MORC2: variants seen among roughly 807,000 people sequenced by gnomAD.
MORC2 encodes the protein MORC family CW-type zinc finger 2.
In MORC2, 30 loss-of-function variants were observed where a neutral mutation model predicts 136.0. The observed-to-expected ratio is 0.22, with a 90% confidence interval of 0.17 to 0.30. The LOEUF (loss-of-function observed/expected upper bound fraction) is 0.30, where lower values mean the gene tolerates loss of function less well. Among genes scored for constraint, MORC2 ranks in the 10% least tolerant of loss-of-function variants. The pLI, the probability that MORC2 is intolerant of heterozygous loss-of-function variation, is 1.00. For synonymous variants in MORC2, 439 were observed against 487.0 expected (o/e 0.90, Z 1.30); for missense variants, 922 against 1,333.1 (o/e 0.69, Z 4.80).
In MORC2 at chr22:30,934,709, T is replaced by C; in HGVS notation, c.2193+72A>G. On this transcript the variant is annotated intron_variant, in intron 19 of 25. Transcript: ENST00000397641. The surrounding 1 kb of genome is among the most constrained non-coding windows in gnomAD (Gnocchi z 4.4). ...CTTCCGAAGGCTCCCCCAGTACAGC[T>C]GTGACACTGCACAATTCCATTCCTA... 1 of 1,560,414 alleles carries C rather than the reference T, an allele frequency of 6.4e-7. No individual in the cohort carries two copies. The highest frequency in any genetic ancestry group is 1.2e-5 in the South Asian group (1 of 83,858).
At chr22:30,945,845 C>T (rs752308991) in intron 6 of MORC2, among the ~76,000 whole-genome samples, 45 of 152,332 alleles carry the variant, frequency 3.0e-4, no homozygotes, top group Non-Finnish European at 5.4e-4. Flanking sequence ...ACCTGCTTTA[C>T]TACCTGCCCA....
At chr22:30,939,745 T>A (rs370544790) in intron 11 of MORC2, 39 bp from the exon 12 acceptor site, 2 of 1,583,176 alleles carry the variant, frequency 1.3e-6, no homozygotes, top group Non-Finnish European at 1.7e-6. Context: ...GGTGGCACTC[T>A]AGGCCACAGC....
intron 4 of MORC2, 29 bp downstream of exon 4, chr22:30,950,348 C>T (rs771577935): frequency 8.6e-6 from 9 of 1,043,128 alleles, no homozygotes; most frequent in South Asian, 1.3e-5. Flanking sequence ...CACCCCCCCA[C>T]CCCCCAAAAC....
At chr22:30,956,083 G>A (rs1446027394) in intron 3 of MORC2, among the ~76,000 whole-genome samples, 1 of 151,588 alleles carries the variant, frequency 6.6e-6, no homozygotes, top group African/African-American at 2.4e-5. Flanking sequence ...TAAAAAAGGT[G>A]CTAGTACAAA....
rs1168725771 is a variant in MORC2 at position 30,934,731 on chromosome 22, C to T, written c.2193+50G>A. The T allele has an allele frequency of 6.3e-7, 1 of 1,593,176 alleles. No homozygotes were observed. Among genetic ancestry groups the T allele is most frequent in the Non-Finnish European group, 8.6e-7 (1 of 1,167,054 alleles). On this transcript the variant is annotated intron_variant, in intron 19 of 25. Coordinates refer to ENST00000397641, the MANE Select transcript of MORC2 (RefSeq NM_001303256.3). This position sits in a 1 kb window ranked among gnomAD's most constrained non-coding sequence, Gnocchi z 4.4. ...AGCTGTGACACTGCACAATTCCATT[C>T]CTACACTACTGACACTGGGCTGGGG... is the stretch of plus-strand genomic sequence containing the variant.
At chr22:30,942,610 A>G (rs1391960846) in intron 6 of MORC2, among the ~76,000 whole-genome samples, 1 of 152,222 alleles carries the variant, frequency 6.6e-6, no homozygotes, top group Non-Finnish European at 1.5e-5. Flanking sequence ...TTATCTAGTG[A>G]ATCAGTAAAT....
In MORC2 at chr22:30,937,758, T is replaced by C. The variant is rs1446394509; in HGVS notation, c.1370-47A>G. The C allele has an allele frequency of 1.2e-6, 2 of 1,613,780 alleles. No homozygotes were observed. Among genetic ancestry groups the C allele is most frequent in the African/African-American group, 1.3e-5 (1 of 74,866 alleles). On this transcript the variant is annotated intron_variant, in intron 14 of 25. Coordinates refer to ENST00000397641, the MANE Select transcript of MORC2 (RefSeq NM_001303256.3). This position sits in a 1 kb window ranked among gnomAD's most constrained non-coding sequence, Gnocchi z 4.7. ...ATCATGTTAGGAGCCAGCCTCTCTCTCTCCCTACATTCAGGTGAAGAGAAA... is the reference window on the plus strand; with the variant it reads ...ATCATGTTAGGAGCCAGCCTCTCTCCCTCCCTACATTCAGGTGAAGAGAAA...
chr22:30,950,781 C>A lies in MORC2; in HGVS notation c.158-336G>T, dbSNP rs150791392. 4.8e-3 allele frequency among the ~76,000 whole-genome samples: 733 copies of A among 152,314 alleles called. 1 individual carries two copies. Among genetic ancestry groups the A allele is most frequent in the Middle Eastern group, 0.017 (5 of 294 alleles). On this transcript the variant is annotated intron_variant, in intron 3 of 25. Transcript: ENST00000397641. The stretch of plus-strand genomic sequence containing the variant: ...CCTTCTGCTCACTCCACCTGGATTA[C>A]TATCACTTCTGCCCTATGCCATAGA...
chr22:30,958,491 A>G (rs1446912781), intron 2 of MORC2, 150 bp downstream of exon 2: 5 of 495,848 alleles, frequency 1.0e-5, no homozygotes, highest in Non-Finnish European at 1.8e-5. Context: ...GCTATTAAAA[A>G]TATTATTTTT....
chr22:30,940,099 C>T, intron 10 of MORC2, 58 bp from the exon 11 acceptor site: 1 of 1,531,768 alleles, frequency 6.5e-7, no homozygotes, highest in Non-Finnish European at 9.0e-7. Flanking sequence ...CTTGGTCATC[C>T]CTCCTGGATC....
intron 5 of MORC2, among the ~76,000 whole-genome samples, chr22:30,948,999 C>A (rs971309757): frequency 6.6e-6 from 1 of 152,172 alleles, no homozygotes. Context: ...CAAACCACCA[C>A]CCTCCCTCAA....
Position 30,968,063 on chromosome 22 carries a change from A to G in MORC2, c.-174T>C, listed in dbSNP as rs2041156259. ...ATATGCAGAGATGTTTAAAACTACA[A>G]TTTCTTCAAGTGTTTTTTTTTAATC... On this transcript the variant is annotated 5_prime_UTR_variant, in exon 1 of 26. Coordinates refer to ENST00000397641, the MANE Select transcript of MORC2 (RefSeq NM_001303256.3). 2.5e-5 allele frequency: 14 copies of G among 554,132 alleles called. No homozygotes were observed. The highest frequency in any genetic ancestry group is 2.0e-4 in the South Asian group (8 of 40,644). 34.3% of individuals were successfully genotyped at this position (554,132 alleles called of 1,614,324 possible). A position where few individuals can be genotyped will look rare whatever the true frequency, so the allele number is the denominator to read the frequency against.
chr22:30,939,595 G>A (rs1245401567), intron 12 of MORC2, 26 bp downstream of exon 12: 2 of 1,609,914 alleles, frequency 1.2e-6, no homozygotes, highest in Non-Finnish European at 8.5e-7. Flanking sequence ...CAGTTTAAAA[G>A]ATCCAAGGAC....
At chr22:30,927,056 A>T (rs1306063010) in intron 25 of MORC2, among the ~76,000 whole-genome samples, 185 bp from the exon 26 acceptor site, 1 of 151,916 alleles carries the variant, frequency 6.6e-6, no homozygotes, top group African/African-American at 2.4e-5. Context: ...TTGTGCACAG[A>T]TGATGCCCAG....
intron 3 of MORC2, among the ~76,000 whole-genome samples, chr22:30,951,104 C>T (rs1035301673): frequency 2.6e-5 from 4 of 152,222 alleles, no homozygotes; most frequent in South Asian, 2.1e-4. Context: ...CATGGTACAA[C>T]GTGGAGGTGC....
At position 30,941,335 on chromosome 22, in the gene MORC2, G is replaced by A; in HGVS notation, c.824+98C>T. 1 of 1,509,360 alleles carries A rather than the reference G, an allele frequency of 6.6e-7. No homozygotes were observed. Among genetic ancestry groups the A allele is most frequent in the Admixed American group, 2.0e-5 (1 of 50,322 alleles). The allele number at this position is 1,509,360 out of a possible 1,614,324, so 93.5% of individuals were successfully genotyped here. A position where few individuals can be genotyped will look rare whatever the true frequency, so the allele number is the denominator to read the frequency against. The stretch of plus-strand genomic sequence containing the variant: ...GTCCCAAACGTAGTCAGCACTGCCA[G>A]AGCCTCTTATACAGCATCCCTCTAA... On this transcript the variant is annotated intron_variant, in intron 9 of 25. Coordinates refer to ENST00000397641, the MANE Select transcript of MORC2 (RefSeq NM_001303256.3). This position sits in a 1 kb window ranked among gnomAD's most constrained non-coding sequence, Gnocchi z 4.6.
Position 30,925,170 on chromosome 22 carries a change from C to T in MORC2, c.*1633G>A, listed in dbSNP as rs574956905. The T allele has an allele frequency of 2.2e-5, 7 of 311,812 alleles. No individual in the cohort carries two copies. Among genetic ancestry groups the T allele is most frequent in the South Asian group, 8.2e-5 (3 of 36,574 alleles). The allele number at this position is 311,812 out of a possible 1,614,324, so 19.3% of individuals were successfully genotyped here. ...AGTAGAACTTTATAGTATTGCGTTT[C>T]GATTACATGTGTGTGAATTTTAAAA... On this transcript the variant is annotated 3_prime_UTR_variant, in exon 26 of 26. Coordinates refer to ENST00000397641, the MANE Select transcript of MORC2 (RefSeq NM_001303256.3).
intron 5 of MORC2, among the ~76,000 whole-genome samples, chr22:30,947,988 C>T (rs531540611): frequency 2.0e-5 from 3 of 152,326 alleles, no homozygotes; most frequent in Admixed American, 6.5e-5. Context: ...ACTCTGAACA[C>T]TAGATGGCTC....
rs192803614 is a variant in MORC2 at position 30,967,951 on chromosome 22, T to A, written c.-62A>T. The A allele has an allele frequency of 1.8e-5, 24 of 1,367,818 alleles. 1 individual carries two copies. Among genetic ancestry groups the A allele is most frequent in the Admixed American group, 1.6e-4 (8 of 50,630 alleles). 84.7% of individuals were successfully genotyped at this position (1,367,818 alleles called of 1,614,324 possible). On this transcript the variant is annotated 5_prime_UTR_variant, in exon 1 of 26. Transcript: ENST00000397641. Reference sequence around the variant, plus strand: ...TGGGAAATATAACCTTATAATGATATCGATTTCCCAGGATTCTGTCCAGTA... The same window carrying A: ...TGGGAAATATAACCTTATAATGATAACGATTTCCCAGGATTCTGTCCAGTA...
Sources: allele counts gnomAD v4.1 joint callset (sites outside exome capture counted in the v4.1 genomes callset), GRCh38; gene constraint gnomAD v4.1.1; non-coding constraint Gnocchi (gnomAD v3.1); transcripts MANE v1.5; gene names NCBI Gene and HGNC (gene_info 2026-07-23, HGNC 2026-07-21).